The following ADGRL3 variants were observed in gnomAD, a reference collection of about 807,000 sequenced individuals.
ADGRL3 encodes the protein adhesion G protein-coupled receptor L3.
A neutral mutation model predicts 153.5 loss-of-function variants in ADGRL3; 62 were observed. The ratio of observed to expected loss-of-function variants is 0.40; its 90% CI spans 0.33 to 0.50. The LOEUF (loss-of-function observed/expected upper bound fraction) is 0.50, where lower values mean the gene tolerates loss of function less well. Among genes scored for constraint, ADGRL3 ranks in the 20% least tolerant of loss-of-function variants. The pLI is 0.47. For synonymous variants in ADGRL3, 710 were observed against 672.5 expected (o/e 1.06, Z -0.86); for missense variants, 1,641 against 1,859.4 (o/e 0.88, Z 2.16).
chr4:61,937,455 A>AT (rs1165673334), intron 15 of ADGRL3, among the ~76,000 whole-genome samples: 10 of 145,172 alleles, frequency 6.9e-5, no homozygotes, highest in South Asian at 4.4e-4. Context: ...CAATTTTTAC[A>AT]TTTTTTTTGA....
chr4:61,469,040 C>T (rs969143588), intron 2 of ADGRL3, among the ~76,000 whole-genome samples: 5 of 152,064 alleles, frequency 3.3e-5, no homozygotes, highest in African/African-American at 1.2e-4. Flanking sequence ...ATGACTCTTT[C>T]CCAGCTCCAG....
At chr4:61,275,442 G>A (rs1023353579) in intron 1 of ADGRL3, among the ~76,000 whole-genome samples, 1 of 152,088 alleles carries the variant, frequency 6.6e-6, no homozygotes, top group Non-Finnish European at 1.5e-5. Context: ...ATTTTCATAG[G>A]ATGTGCATAC....
chr4:61,590,043 C>CT (rs1308953939), intron 5 of ADGRL3, among the ~76,000 whole-genome samples: 1 of 152,084 alleles, frequency 6.6e-6, no homozygotes, highest in Non-Finnish European at 1.5e-5. Context: ...TTTACTTCTG[C>CT]TTCAATATCT....
chr4:61,396,839 A>G (rs1174841939), intron 2 of ADGRL3, among the ~76,000 whole-genome samples: 1 of 151,786 alleles, frequency 6.6e-6, no homozygotes, highest in Non-Finnish European at 1.5e-5. Context: ...AACTTCTCAC[A>G]TGTAAATGCA....
At chr4:61,244,126 A>T (rs376053767) in intron 1 of ADGRL3, among the ~76,000 whole-genome samples, 286 of 152,034 alleles carry the variant, frequency 1.9e-3, no homozygotes, top group African/African-American at 6.3e-3. Flanking sequence ...TCAGTGTGAG[A>T]CCTTTGGCTG....
intron 8 of ADGRL3, among the ~76,000 whole-genome samples, chr4:61,739,427 GC>G (rs2096557649): frequency 1.3e-5 from 2 of 151,944 alleles, no homozygotes; most frequent in African/African-American, 2.4e-5. Context: ...TCGAGCCTCA[GC>G]CCCCTGAGTA....
At chr4:61,441,906 T>C (rs2097532714) in intron 2 of ADGRL3, among the ~76,000 whole-genome samples, 1 of 152,200 alleles carries the variant, frequency 6.6e-6, no homozygotes. Context: ...AAATTATGAA[T>C]AGTAGTTTCA....
chr4:61,206,680 TA>T (rs1737358360), intron 1 of ADGRL3, among the ~76,000 whole-genome samples: 1 of 152,136 alleles, frequency 6.6e-6, no homozygotes. Context: ...ACAGATATCA[TA>T]ATCAAAAGTC....
chr4:62,008,773 A>G (rs898078693), intron 21 of ADGRL3, among the ~76,000 whole-genome samples: 1 of 152,012 alleles, frequency 6.6e-6, no homozygotes, highest in African/African-American at 2.4e-5. Context: ...ATGCATATAT[A>G]TAATCAAAAT....
intron 1 of ADGRL3, among the ~76,000 whole-genome samples, chr4:61,247,304 A>G (rs1305316544): frequency 1.1e-4 from 16 of 152,090 alleles, no homozygotes; most frequent in Admixed American, 9.8e-4. Context: ...GAGTGTTTTT[A>G]TAAATAGAAA....
At chr4:61,585,071 AC>A (rs542529643) in intron 4 of ADGRL3, among the ~76,000 whole-genome samples, 105 of 152,042 alleles carry the variant, frequency 6.9e-4, no homozygotes, top group African/African-American at 2.5e-3. Flanking sequence ...ATTATAACCA[AC>A]CTTTAATTGT....
intron 9 of ADGRL3, among the ~76,000 whole-genome samples, chr4:61,844,020 G>GAAAA (rs376497386): frequency 8.3e-6 from 1 of 119,948 alleles, no homozygotes. Flanking sequence ...ACCCTGTCTT[G>GAAAA]AAAAAAAAAA....
At chr4:61,275,897 T>G (rs1408746253) in intron 1 of ADGRL3, among the ~76,000 whole-genome samples, 1 of 152,172 alleles carries the variant, frequency 6.6e-6, no homozygotes, top group African/African-American at 2.4e-5. Flanking sequence ...AAGTAGACAT[T>G]TGTGAATCAA....
At chr4:61,377,596 T>C (rs963068079) in intron 1 of ADGRL3, among the ~76,000 whole-genome samples, 1 of 152,038 alleles carries the variant, frequency 6.6e-6, no homozygotes, top group Non-Finnish European at 1.5e-5. Flanking sequence ...GGTGAGGGAT[T>C]TTTTTCATAG....
rs548753197 is a variant in ADGRL3 at position 62,024,705 on chromosome 4, C to A, written c.3396-4150C>A. 2.0e-5 allele frequency among the ~76,000 whole-genome samples: 3 copies of A among 151,930 alleles called. No individual in the cohort carries two copies. The South Asian group carries it at 6.2e-4, about 32-fold the overall frequency. The stretch of plus-strand genomic sequence containing the variant: ...CAGCACTTTAAGAGGCCGAGGCGGG[C>A]GGATCACAAGGTCAGGAGTTTGAGA... On this transcript the variant is annotated intron_variant, in intron 21 of 26. Coordinates refer to ENST00000683033, the MANE Select transcript of ADGRL3 (RefSeq NM_001387552.1).
chr4:61,792,808 C>A (rs2097359796), intron 8 of ADGRL3, among the ~76,000 whole-genome samples: 1 of 151,820 alleles, frequency 6.6e-6, no homozygotes, highest in African/African-American at 2.4e-5. Flanking sequence ...ATTTTTAAAT[C>A]TTTTTCTGAG....
rs950628040 is a variant in ADGRL3 at position 61,896,453 on chromosome 4, C to T, written c.1887+619C>T. Among the ~76,000 whole-genome samples, 7 of 152,074 alleles carry T rather than the reference C, an allele frequency of 4.6e-5. No individual in the cohort carries two copies. In the East Asian group the frequency reaches 9.7e-4, roughly 21 times the overall value. The stretch of plus-strand genomic sequence containing the variant: ...AGCAATTTATGTGGATTTATGCACT[C>T]CTAAAATGGAGAGTCCTTCTATGGC... On this transcript the variant is annotated intron_variant, in intron 11 of 26. Transcript: ENST00000683033.
At chr4:61,322,995 C>T (rs2095392577) in intron 1 of ADGRL3, among the ~76,000 whole-genome samples, 1 of 152,250 alleles carries the variant, frequency 6.6e-6, no homozygotes, top group African/African-American at 2.4e-5. Context: ...TCTGCCTGGG[C>T]ATCCAGGTGT....
chr4:62,071,735 ATTTTCTTT>A lies in ADGRL3; in HGVS notation c.*839_*846del, dbSNP rs1270709157. 7 of 417,194 alleles carry A rather than the reference ATTTTCTTT, an allele frequency of 1.7e-5. No homozygotes were observed. The East Asian group carries it at 5.4e-4, about 32-fold the overall frequency. The allele number at this position is 417,194 out of a possible 1,614,324, so 25.8% of individuals were successfully genotyped here. A position where few individuals can be genotyped will look rare whatever the true frequency, so the allele number is the denominator to read the frequency against. ...TTTCCTTCCTTTCTTCTCTTTCTTCATTTTCTTTTTTTCTTTTTTGCCTTTTATTCCTT... is the reference window on the plus strand; with the variant it reads ...TTTCCTTCCTTTCTTCTCTTTCTTCATTTTCTTTTTTGCCTTTTATTCCTT... On this transcript the variant is annotated 3_prime_UTR_variant, in exon 27 of 27. Coordinates refer to ENST00000683033, the MANE Select transcript of ADGRL3 (RefSeq NM_001387552.1).
Sources: allele counts gnomAD v4.1 joint callset (sites outside exome capture counted in the v4.1 genomes callset), GRCh38; gene constraint gnomAD v4.1.1; transcripts MANE v1.5; gene names NCBI Gene and HGNC (gene_info 2026-07-23, HGNC 2026-07-21).